RHBDD1: variants seen among roughly 807,000 people sequenced by gnomAD.
RHBDD1 encodes the protein rhomboid domain containing 1, also known as rhomboid-related protein 4.
RHBDD1 carries 38 observed loss-of-function variants against 36.3 expected under a neutral mutation model. The observed-to-expected ratio is 1.05, with a 90% CI of 0.81 to 1.37. The LOEUF (loss-of-function observed/expected upper bound fraction) is 1.37. Ranked by LOEUF, RHBDD1 falls within the 40% of genes most tolerant of loss-of-function variation. The pLI, the probability that RHBDD1 is intolerant of heterozygous loss-of-function variation, is 0.00. For synonymous variants in RHBDD1, 151 were observed against 136.5 expected, an observed-to-expected ratio of 1.11 and a Z score of -0.74; for missense variants, 393 against 377.6, an observed-to-expected ratio of 1.04 and a Z score of -0.34.
the RHBDD1 span, chr2:226,811,155 T>G: frequency 4.6e-5 from 7 of 152,368 alleles, no homozygotes; most frequent in African/African-American, 1.7e-4. Flanking sequence ...TCATTTTTTC[T>G]ATTCCCTTTT....
At chr2:226,914,406 G>T (rs150147589) in intron 8 of RHBDD1, 55 bp downstream of exon 8, 33,232 of 1,542,660 alleles carry the variant, frequency 0.022, 438 homozygotes, top group Non-Finnish European at 0.026. Context: ...TGGTAAGGTA[G>T]TCTGAAAAAG....
Position 226,836,082 on chromosome 2 carries a change from G to A in RHBDD1, c.-397G>A, listed in dbSNP as rs994528034. On this transcript the variant is annotated 5_prime_UTR_variant, in exon 1 of 9. Coordinates refer to ENST00000392062, the MANE Select transcript of RHBDD1 (RefSeq NM_001167608.3). ...GACGTGGGGACGCAGGCGGGTCGTA[G>A]AGAGCGTGAGTTTCCGCGTCTGTTT... 3 of 152,722 alleles carry A rather than the reference G, an allele frequency of 2.0e-5. No individual in the cohort carries two copies. Among genetic ancestry groups the A allele is most frequent in the Non-Finnish European group, 4.4e-5 (3 of 68,080 alleles). The allele number at this position is 152,722 out of a possible 1,614,324, so 9.5% of individuals were successfully genotyped here. A position where few individuals can be genotyped will look rare whatever the true frequency, so the allele number is the denominator to read the frequency against.
At chr2:226,845,810 T>C (rs772476417) in intron 3 of RHBDD1, among the ~76,000 whole-genome samples, 2 of 152,236 alleles carry the variant, frequency 1.3e-5, no homozygotes, top group Non-Finnish European at 2.9e-5. Context: ...AATAATTAAA[T>C]GCTTTTAAAG....
intron 3 of RHBDD1, among the ~76,000 whole-genome samples, chr2:226,846,633 A>G: frequency 6.6e-6 from 1 of 151,560 alleles, no homozygotes; most frequent in East Asian, 1.9e-4. Context: ...AGTCCCAGCT[A>G]CTCAGGAGGC....
intron 8 of RHBDD1, among the ~76,000 whole-genome samples, chr2:226,962,997 G>A (rs147345586): frequency 7.1e-4 from 108 of 152,160 alleles, no homozygotes; most frequent in African/African-American, 2.5e-3. Flanking sequence ...ATTCCTTGTC[G>A]AGGTGAGTGT....
chr2:226,935,667 G>T (rs959607099), intron 8 of RHBDD1, among the ~76,000 whole-genome samples: 2 of 151,832 alleles, frequency 1.3e-5, no homozygotes, highest in Non-Finnish European at 2.9e-5. Context: ...AATCGAATTG[G>T]TTATGCTTCA....
chr2:226,840,885 T>G (rs906795570), intron 3 of RHBDD1, among the ~76,000 whole-genome samples: 3 of 149,468 alleles, frequency 2.0e-5, no homozygotes, highest in African/African-American at 4.9e-5. Context: ...ATAATTTGGG[T>G]TTTTTTTTTC....
chr2:226,922,252 G>A (rs1949374588), intron 8 of RHBDD1, among the ~76,000 whole-genome samples: 1 of 133,378 alleles, frequency 7.5e-6, no homozygotes, highest in Non-Finnish European at 1.5e-5. Flanking sequence ...CTGTCGCCCA[G>A]GCTGGAGTGC....
At chr2:226,923,897 A>G (rs970773843) in intron 8 of RHBDD1, among the ~76,000 whole-genome samples, 9 of 152,182 alleles carry the variant, frequency 5.9e-5, no homozygotes, top group African/African-American at 1.7e-4. Context: ...CTCTCCCTTC[A>G]GGGAAGTGGG....
chr2:226,822,347 A>C, the RHBDD1 span, among the ~76,000 whole-genome samples: 1 of 149,308 alleles, frequency 6.7e-6, no homozygotes, highest in East Asian at 2.0e-4. Context: ...ATTAAGAAAG[A>C]AATGTGGCCA....
intron 8 of RHBDD1, among the ~76,000 whole-genome samples, chr2:226,977,769 C>G (rs1954864833): frequency 6.6e-6 from 1 of 152,230 alleles, no homozygotes; most frequent in East Asian, 1.9e-4. Flanking sequence ...TGAGGTTTAG[C>G]AGCTCATAAA....
chr2:226,848,907 A>G (rs1942506406), intron 3 of RHBDD1, among the ~76,000 whole-genome samples: 1 of 152,242 alleles, frequency 6.6e-6, no homozygotes, highest in African/African-American at 2.4e-5. Context: ...GTTTGAGAGC[A>G]GTTCTACTAC....
chr2:226,973,324 T>G (rs2396452), intron 8 of RHBDD1, among the ~76,000 whole-genome samples: 75,115 of 152,080 alleles, frequency 0.49, 19,431 homozygotes, highest in African/African-American at 0.66. Context: ...AAAAAATTGT[T>G]TAAGACATTT....
At chr2:226,936,990 A>G (rs1405632961) in intron 8 of RHBDD1, among the ~76,000 whole-genome samples, 1 of 152,114 alleles carries the variant, frequency 6.6e-6, no homozygotes, top group Non-Finnish European at 1.5e-5. Context: ...TTCAGCAACC[A>G]TGATTCCCTA....
At chr2:226,912,152 A>G (rs756469354) in intron 7 of RHBDD1, among the ~76,000 whole-genome samples, 2 of 152,192 alleles carry the variant, frequency 1.3e-5, no homozygotes, top group Non-Finnish European at 2.9e-5. Context: ...AACCACAGTG[A>G]GATACCACTT....
At chr2:226,963,781 A>G (rs538630328) in intron 8 of RHBDD1, among the ~76,000 whole-genome samples, 4 of 152,232 alleles carry the variant, frequency 2.6e-5, no homozygotes, top group African/African-American at 9.6e-5. Context: ...CCTATCATAC[A>G]TGCACATTAA....
intron 8 of RHBDD1, among the ~76,000 whole-genome samples, chr2:226,933,957 G>C (rs1457534628): frequency 6.6e-6 from 1 of 152,000 alleles, no homozygotes; most frequent in Non-Finnish European, 1.5e-5. Context: ...ATCTCTCTTG[G>C]ATTCCAAGGT....
chr2:226,914,491 A>G (rs1948759827), intron 8 of RHBDD1, 140 bp downstream of exon 8: 2 of 914,386 alleles, frequency 2.2e-6, no homozygotes, highest in Non-Finnish European at 3.2e-6. Flanking sequence ...GCAGATTGTG[A>G]TTACAAAGAA....
intron 8 of RHBDD1, among the ~76,000 whole-genome samples, chr2:226,993,244 T>G (rs1958669559): frequency 6.6e-6 from 1 of 152,170 alleles, no homozygotes; most frequent in South Asian, 2.1e-4. Context: ...GAGGACTCTG[T>G]GTTTCCCTCT....
Sources: gnomAD v4.1 joint callset for allele counts (sites outside exome capture counted in the v4.1 genomes callset) on GRCh38, gnomAD v4.1.1 for gene constraint, MANE v1.5 for transcripts, NCBI Gene and HGNC (gene_info 2026-07-23, HGNC 2026-07-21) for gene names.